Variants in SERPINH1 observed in about 807,000 individuals in gnomAD.
SERPINH1 encodes the protein serpin H1.
A neutral mutation model predicts 32.3 loss-of-function variants in SERPINH1; 22 were observed. The ratio of observed to expected loss-of-function variants is 0.68; its 90% CI spans 0.49 to 0.97. SERPINH1 has a LOEUF of 0.97. Ranked by LOEUF, SERPINH1 falls within the 50% of genes least tolerant of loss-of-function variation. The pLI is 0.00. For synonymous variants in SERPINH1, 251 were observed against 245.9 expected, an observed-to-expected ratio of 1.02 and a Z score of -0.19; for missense variants, 543 against 576.4, an observed-to-expected ratio of 0.94 and a Z score of 0.59.
chr11:75,572,247 G>C lies in SERPINH1; in HGVS notation c.*164G>C, dbSNP rs908073484. On this transcript the variant is annotated 3_prime_UTR_variant, in exon 5 of 5. Coordinates refer to ENST00000358171, the MANE Select transcript of SERPINH1 (RefSeq NM_001235.5). ...CCGTGTGCCTGAGCGGACCTTCCCA[G>C]CTAGAATTCACTCCACTTGGACATG... 106 of 707,704 alleles carry C rather than the reference G, an allele frequency of 1.5e-4. No homozygotes were observed. The highest frequency in any genetic ancestry group is 2.4e-4 in the Non-Finnish European group (96 of 401,552). 43.8% of individuals were successfully genotyped at this position (707,704 alleles called of 1,614,324 possible).
In SERPINH1 at chr11:75,566,932, A is replaced by T; in HGVS notation, c.583A>T (p.Thr195Ser). 1 of 1,604,580 alleles carries T rather than the reference A, an allele frequency of 6.2e-7. No homozygotes were observed. The highest frequency in any genetic ancestry group is 8.5e-7 in the Non-Finnish European group (1 of 1,179,584). The stretch of plus-strand genomic sequence containing the variant: ...CGAGGTCACCAAGGACGTGGAGCGC[A>T]CGGACGGCGCCCTGCTAGTCAACGC... ...LPEVTKDVERTDGALLVNAMF... is the reference protein window; with the variant it reads ...LPEVTKDVERSDGALLVNAMF... The change falls in exon 2 of 5, where the codon ACG (threonine) becomes TCG (serine). Residue 195 changes from threonine to serine, a missense_variant. By Grantham distance (58) the Thr-to-Ser change is moderately conservative. Around this residue, in one of 3 missense-constraint regions of SERPINH1, gnomAD observed 427 missense variants for 446.4 expected, o/e 0.96. Coordinates refer to ENST00000358171, the MANE Select transcript of SERPINH1 (RefSeq NM_001235.5).
At chr11:75,563,659 G>C (rs1031316880) in intron 1 of SERPINH1, 1 of 152,718 alleles carries the variant, frequency 6.5e-6, no homozygotes, top group African/African-American at 2.4e-5. Context: ...TGCCCTCTGC[G>C]CCAGGGGCCT....
At position 75,571,920 on chromosome 11, in the gene SERPINH1, C is replaced by T. The variant is rs574281910; in HGVS notation, c.1094C>T (p.Pro365Leu). ...TAFELDTDGNPFDQDIYGREE... is the reference protein window; with the variant it reads ...TAFELDTDGNLFDQDIYGREE... ...TTTGAGTTGGACACAGATGGCAACCCCTTTGACCAGGACATCTACGGGCGC... is the reference window on the plus strand; with the variant it reads ...TTTGAGTTGGACACAGATGGCAACCTCTTTGACCAGGACATCTACGGGCGC... The change falls in exon 5 of 5, where the codon CCC becomes CTC. Residue 365 changes from proline to leucine, a missense_variant. This residue lies in a region of SERPINH1 where 427 missense variants were observed against 446.4 expected (regional missense o/e 0.96). Transcript: ENST00000358171. The T allele has an allele frequency of 6.2e-7, 1 of 1,614,230 alleles. No individual in the cohort carries two copies. The highest frequency in any genetic ancestry group is 1.3e-5 in the African/African-American group (1 of 75,064).
At chr11:75,568,681 G>GT in intron 2 of SERPINH1, 50 bp from the exon 3 acceptor site, 1 of 1,277,370 alleles carries the variant, frequency 7.8e-7, no homozygotes, top group Non-Finnish European at 1.1e-6. Flanking sequence ...CTGTGATTGT[G>GT]TTTGGGGGCG....
chr11:75,564,655 G>A (rs560316439), intron 1 of SERPINH1, among the ~76,000 whole-genome samples: 177 of 152,292 alleles, frequency 1.2e-3, no homozygotes, highest in Non-Finnish European at 2.1e-3. Flanking sequence ...GTGTCTTGGG[G>A]TTTATTCTAG....
At chr11:75,565,013 A>T (rs1032321245) in intron 1 of SERPINH1, among the ~76,000 whole-genome samples, 2 of 152,218 alleles carry the variant, frequency 1.3e-5, no homozygotes, top group Non-Finnish European at 2.9e-5. Context: ...CTCCACCAGG[A>T]TTCCTTCTAT....
At chr11:75,565,848 G>A (rs1942064536) in intron 1 of SERPINH1, among the ~76,000 whole-genome samples, 1 of 152,182 alleles carries the variant, frequency 6.6e-6, no homozygotes, top group Non-Finnish European at 1.5e-5. Context: ...GGGCTCCCAG[G>A]GCTATGTGAG....
intron 1 of SERPINH1, 59 bp from the exon 2 acceptor site, chr11:75,566,257 G>A: frequency 6.9e-7 from 1 of 1,444,852 alleles, no homozygotes; most frequent in Non-Finnish European, 9.5e-7. Context: ...AGCTGAGGGT[G>A]GTTGTTGGGG....
At position 75,572,208 on chromosome 11, in the gene SERPINH1, A is replaced by G. The variant is rs9175; in HGVS notation, c.*125A>G. ...TACTCCATGGGGTGGGGGTGGAAAA[A>G]CAGACCGGGGTTCCCGTGTGCCTGA... On this transcript the variant is annotated 3_prime_UTR_variant, in exon 5 of 5. Transcript: ENST00000358171. 0.46 allele frequency: 429,479 copies of G among 929,252 alleles called. 110,693 individuals carry two copies. Among genetic ancestry groups the G allele is most frequent in the Non-Finnish European group, 0.55 (327,563 of 592,748 alleles). 57.6% of individuals were successfully genotyped at this position (929,252 alleles called of 1,614,324 possible).
intron 4 of SERPINH1, among the ~76,000 whole-genome samples, chr11:75,570,015 C>T (rs894777615): frequency 1.3e-5 from 2 of 151,838 alleles, no homozygotes; most frequent in African/African-American, 4.8e-5. Flanking sequence ...AACACACATT[C>T]TCAAGATTCT....
chr11:75,571,672 T>G, intron 4 of SERPINH1, 109 bp from the exon 5 acceptor site: 1 of 950,524 alleles, frequency 1.1e-6, no homozygotes, highest in Non-Finnish European at 1.7e-6. Context: ...GACCAGGGGG[T>G]GGTTCTCTCC....
In SERPINH1 at chr11:75,566,933, C is replaced by T; in HGVS notation, c.584C>T (p.Thr195Met). Residue 195 changes from threonine (T) to methionine (M), a missense_variant, in exon 2 of 5, where the codon ACG becomes ATG. This residue lies in a region of SERPINH1 where 427 missense variants were observed against 446.4 expected (regional missense o/e 0.96). Transcript: ENST00000358171. The part of the protein sequence containing the change: ...LPEVTKDVER[T>M]DGALLVNAMF... Reference sequence around the variant, plus strand: ...GAGGTCACCAAGGACGTGGAGCGCACGGACGGCGCCCTGCTAGTCAACGCC... The same window carrying T: ...GAGGTCACCAAGGACGTGGAGCGCATGGACGGCGCCCTGCTAGTCAACGCC... 1 of 1,604,294 alleles carries T rather than the reference C, an allele frequency of 6.2e-7. No individual in the cohort carries two copies.
chr11:75,572,341 G>T lies in SERPINH1; in HGVS notation c.*258G>T, dbSNP rs1942213981. 1.8e-5 allele frequency: 10 copies of T among 558,792 alleles called. No individual in the cohort carries two copies. The highest frequency in any genetic ancestry group is 4.8e-4 in the Middle Eastern group (1 of 2,070). 34.6% of individuals were successfully genotyped at this position (558,792 alleles called of 1,614,324 possible). On this transcript the variant is annotated 3_prime_UTR_variant, in exon 5 of 5. Transcript: ENST00000358171. ...GTGGGACCTGGGCCATAGTCATTCT[G>T]CCTGCCCTGAAAGTCCCAGATCAAG...
At chr11:75,567,081 G>A (rs1942104441) in intron 2 of SERPINH1, 110 bp downstream of exon 2, 1 of 1,255,234 alleles carries the variant, frequency 8.0e-7, no homozygotes, top group Non-Finnish European at 1.1e-6. Context: ...TTTATGCTGT[G>A]ACAACCCAGG....
chr11:75,562,596 C>T (rs942811372), intron 1 of SERPINH1: 1 of 152,304 alleles, frequency 6.6e-6, no homozygotes, highest in Admixed American at 6.6e-5. Context: ...AGTGCAGGGA[C>T]CCCTAAAAGG....
chr11:75,564,683 T>C (rs1465573057), intron 1 of SERPINH1, among the ~76,000 whole-genome samples: 4 of 152,156 alleles, frequency 2.6e-5, no homozygotes, highest in African/African-American at 9.7e-5. Flanking sequence ...GATATCCCCT[T>C]CATTTTAGGG....
In SERPINH1 at chr11:75,566,826, C is replaced by T. The variant is rs1181876772; in HGVS notation, c.477C>T (p.Ser159=). 3.7e-6 allele frequency: 6 copies of T among 1,612,920 alleles called. No homozygotes were observed. Among genetic ancestry groups the T allele is most frequent in the Non-Finnish European group, 5.1e-6 (6 of 1,179,994 alleles). Residue 159 remains serine (S), a synonymous_variant, in exon 2 of 5, where the codon TCC becomes TCT. Coordinates refer to ENST00000358171, the MANE Select transcript of SERPINH1 (RefSeq NM_001235.5). ...AGCAGCACTACAACTGCGAGCACTC[C>T]AAGATCAACTTCCGCGACAAGCGCA... The part of the protein sequence containing the change: ...SSKQHYNCEH[S]KINFRDKRSA...
Position 75,569,173 on chromosome 11 carries a change from T to C in SERPINH1, c.954+2T>C, listed in dbSNP as rs2135554970. On this transcript the variant is annotated splice_donor_variant, in intron 4 of 4. Coordinates refer to ENST00000358171, the MANE Select transcript of SERPINH1 (RefSeq NM_001235.5). LOFTEE classifies it high-confidence loss of function. ...GTGGAGGTGACCCATGACCTGCAGG[T>C]AAGGGGTGGCCCAGCCTAGGGGCCT... The C allele has an allele frequency of 6.3e-7, 1 of 1,598,122 alleles. No individual in the cohort carries two copies. Among genetic ancestry groups the C allele is most frequent in the East Asian group, 2.3e-5 (1 of 44,268 alleles).
At position 75,570,881 on chromosome 11, in the gene SERPINH1, G is replaced by C. The variant is rs374332708; in HGVS notation, c.955-900G>C. ...TCCTGTGGGCTCGGGAAGGCTTCCT[G>C]AAAGAAGTGGTTTCTAAAGAGCCCT... On this transcript the variant is annotated intron_variant, in intron 4 of 4. Coordinates refer to ENST00000358171, the MANE Select transcript of SERPINH1 (RefSeq NM_001235.5). Among the ~76,000 whole-genome samples, 15 of 152,356 alleles carry C rather than the reference G, an allele frequency of 9.8e-5. No homozygotes were observed. In the East Asian group the frequency reaches 1.9e-3, roughly 20 times the overall value.
Sources: allele counts gnomAD v4.1 joint callset (sites outside exome capture counted in the v4.1 genomes callset), GRCh38; gene constraint gnomAD v4.1.1; regional missense constraint gnomAD v4.1.1; transcripts MANE v1.5; gene names NCBI Gene and HGNC (gene_info 2026-07-23, HGNC 2026-07-21).